Variants in DLGAP2 observed in about 807,000 individuals in gnomAD.
DLGAP2 encodes the protein DLG associated protein 2.
A neutral mutation model predicts 100.3 loss-of-function variants in DLGAP2; 26 were observed. That is an observed-to-expected ratio of 0.26 (90% CI 0.19 to 0.36). The LOEUF is 0.36. Among genes scored for constraint, DLGAP2 ranks in the 10% least tolerant of loss-of-function variants. DLGAP2 has a pLI of 1.00. For synonymous variants in DLGAP2, 886 were observed against 630.1 expected, an observed-to-expected ratio of 1.41 and a Z score of -6.08; for missense variants, 1,858 against 1,453.2, an observed-to-expected ratio of 1.28 and a Z score of -4.53.
At chr8:1,639,341 C>G (rs571807189) in intron 8 of DLGAP2, among the ~76,000 whole-genome samples, 36 of 152,318 alleles carry the variant, frequency 2.4e-4, no homozygotes, top group Admixed American at 1.3e-3. Flanking sequence ...AACACTGCCC[C>G]AGTTCACCAC....
intron 1 of DLGAP2, among the ~76,000 whole-genome samples, chr8:886,070 AT>A (rs1463499663): frequency 6.6e-6 from 1 of 152,166 alleles, no homozygotes; most frequent in Non-Finnish European, 1.5e-5. Flanking sequence ...TACTGCCTCA[AT>A]TTCAGAGCTG....
chr8:1,004,349 T>C (rs1245844948), intron 2 of DLGAP2, among the ~76,000 whole-genome samples: 1 of 152,258 alleles, frequency 6.6e-6, no homozygotes, highest in Non-Finnish European at 1.5e-5. Context: ...TTTATCTTCA[T>C]AAATTTGGTA....
intron 1 of DLGAP2, among the ~76,000 whole-genome samples, chr8:744,178 T>G (rs1225282913): frequency 6.6e-6 from 1 of 152,170 alleles, no homozygotes; most frequent in Non-Finnish European, 1.5e-5. Context: ...TGGGAAGAAG[T>G]GCTCGTTCGC....
rs776779543 is a variant in DLGAP2 at position 1,697,239 on chromosome 8, C to T, written c.2889C>T (p.Phe963=). Residue 963 remains phenylalanine, a synonymous_variant, in exon 14 of 15, where the codon TTC becomes TTT. Transcript: ENST00000637795. ...CCATTGAGGACGTCAGCATGAAGTT[C>T]GACGAGCTGCAGCGGCTGCGGCTCA... The part of the protein sequence containing the change: ...QLSIEDVSMK[F]DELQRLRLND... 29 of 1,611,048 alleles carry T rather than the reference C, an allele frequency of 1.8e-5. No homozygotes were observed. The highest frequency in any genetic ancestry group is 3.3e-5 in the Admixed American group (2 of 59,800).
At chr8:1,289,633 C>G (rs1274779255) in intron 3 of DLGAP2, among the ~76,000 whole-genome samples, 1 of 152,168 alleles carries the variant, frequency 6.6e-6, no homozygotes, top group African/African-American at 2.4e-5. Flanking sequence ...GCTAGCGTTC[C>G]TACATAGTCC....
chr8:1,015,087 TGACCAGGACAGACGCCTCCACTGTGTGA>T (rs1407281136), intron 2 of DLGAP2, among the ~76,000 whole-genome samples: 1 of 29,168 alleles, frequency 3.4e-5, no homozygotes, highest in African/African-American at 2.0e-4. Context: ...ACTGTGTGTG[TGACCAGGACAGACGCCTCCACTGTGTGA>T]GACCAGGACA....
rs1207510940 is a variant in DLGAP2 at position 1,706,618 on chromosome 8, A to G, written c.*5212A>G. 1.3e-5 allele frequency: 2 copies of G among 152,240 alleles called. No homozygotes were observed. The highest frequency in any genetic ancestry group is 2.9e-5 in the Non-Finnish European group (2 of 68,046). 9.4% of individuals were successfully genotyped at this position (152,240 alleles called of 1,614,324 possible). On this transcript the variant is annotated 3_prime_UTR_variant, in exon 15 of 15. Transcript: ENST00000637795. ...TCAACTGTTTCTAGATGCTTCCAAG[A>G]ACAAGAACCCAGCACCAACCAGAAT...
At chr8:1,314,331 G>A (rs1300701964) in intron 3 of DLGAP2, among the ~76,000 whole-genome samples, 1 of 152,180 alleles carries the variant, frequency 6.6e-6, no homozygotes, top group African/African-American at 2.4e-5. Context: ...TCACACTGCA[G>A]CCAACTGAAG....
At chr8:1,262,895 G>T (rs1799380126) in intron 3 of DLGAP2, among the ~76,000 whole-genome samples, 2 of 144,978 alleles carry the variant, frequency 1.4e-5, no homozygotes, top group South Asian at 2.1e-4. Flanking sequence ...TCAGTTCATG[G>T]ATTTGTCTGT....
chr8:1,316,148 C>CT (rs1800741407), intron 3 of DLGAP2, among the ~76,000 whole-genome samples: 4 of 120,664 alleles, frequency 3.3e-5, no homozygotes, highest in Admixed American at 8.9e-5. Flanking sequence ...TGCAGCGTCT[C>CT]CCCAACAGTG....
rs115768786 is a variant in DLGAP2, at chr8:1,067,798, G to A, written c.73+159832G>A. ...TTTAGTGCAGCTGATGGACCAACAC[G>A]ACACGTCATCCTCACCCGGAGTCCG... On this transcript the variant is annotated intron_variant, in intron 2 of 14. Coordinates refer to ENST00000637795, the MANE Select transcript of DLGAP2 (RefSeq NM_001346810.2). Among the ~76,000 whole-genome samples the A allele has an allele frequency of 3.6e-3, 545 of 149,982 alleles. 5 individuals carry two copies. Among genetic ancestry groups the A allele is most frequent in the African/African-American group, 0.013 (520 of 41,002 alleles).
intron 13 of DLGAP2, among the ~76,000 whole-genome samples, chr8:1,692,923 T>G (rs1409467846): frequency 6.7e-6 from 1 of 148,482 alleles, no homozygotes; most frequent in Non-Finnish European, 1.5e-5. Flanking sequence ...TATTAATATA[T>G]AAATATATAT....
chr8:920,104 G>A (rs1166920958), intron 2 of DLGAP2, among the ~76,000 whole-genome samples: 2 of 152,150 alleles, frequency 1.3e-5, no homozygotes, highest in Non-Finnish European at 1.5e-5. Context: ...GAAACCAGGT[G>A]GAAGCTTCCA....
intron 1 of DLGAP2, chr8:738,068 G>C: frequency 3.6e-6 from 1 of 280,390 alleles, no homozygotes; most frequent in Non-Finnish European, 6.6e-6. Context: ...CGCGCTCGGG[G>C]GTGCCGGGAC....
intron 2 of DLGAP2, among the ~76,000 whole-genome samples, chr8:1,132,535 A>G (rs904854151): frequency 6.6e-6 from 1 of 152,252 alleles, no homozygotes; most frequent in African/African-American, 2.4e-5. Context: ...ACATTTACTT[A>G]CTGTAGCATA....
At chr8:1,672,841 C>A (rs1798724713) in intron 10 of DLGAP2, among the ~76,000 whole-genome samples, 1 of 152,210 alleles carries the variant, frequency 6.6e-6, no homozygotes, top group Non-Finnish European at 1.5e-5. Flanking sequence ...ATTCAGGGCA[C>A]CTGCCCTGCT....
intron 10 of DLGAP2, among the ~76,000 whole-genome samples, chr8:1,675,214 G>A (rs1798783993): frequency 6.6e-6 from 1 of 152,228 alleles, no homozygotes; most frequent in African/African-American, 2.4e-5. Context: ...CACGGCGGCG[G>A]CCGAGAGCTC....
intron 2 of DLGAP2, among the ~76,000 whole-genome samples, chr8:1,257,482 C>T (rs909589514): frequency 6.6e-6 from 1 of 150,494 alleles, no homozygotes; most frequent in African/African-American, 2.4e-5. Context: ...TGTCCCCTGC[C>T]TGTCCACCTT....
chr8:878,443 A>G (rs1290223387), intron 1 of DLGAP2, among the ~76,000 whole-genome samples: 2 of 152,166 alleles, frequency 1.3e-5, no homozygotes, highest in African/African-American at 4.8e-5. Flanking sequence ...TCAGAGGACG[A>G]TAAGTAGAGG....
Sources: gnomAD v4.1 joint callset for allele counts (sites outside exome capture counted in the v4.1 genomes callset) on GRCh38, gnomAD v4.1.1 for gene constraint, MANE v1.5 for transcripts, NCBI Gene and HGNC (gene_info 2026-07-23, HGNC 2026-07-21) for gene names.